Variants in EPHB1 observed in about 807,000 individuals in gnomAD.
The protein encoded by EPHB1 is ephrin type-B receptor 1.
EPHB1 carries 30 observed loss-of-function variants against 94.4 expected under a neutral mutation model. The observed-to-expected ratio is 0.32, with a 90% CI of 0.24 to 0.43. The LOEUF is 0.43. Ranked by LOEUF, EPHB1 falls within the 20% of genes least tolerant of loss-of-function variation. The probability of loss-of-function intolerance (pLI) is 1.00; values close to 1 mark genes in which losing one functional copy is unlikely to be tolerated. For missense variants in EPHB1, 1,055 were observed against 1,308.3 expected (o/e 0.81, Z 2.99); for synonymous variants, 522 against 489.1 (o/e 1.07, Z -0.89).
At chr3:135,075,523 A>G (rs1409208157) in intron 3 of EPHB1, among the ~76,000 whole-genome samples, 1 of 152,144 alleles carries the variant, frequency 6.6e-6, no homozygotes. Context: ...GTATCTTAAG[A>G]TGATGAAATG....
intron 3 of EPHB1, among the ~76,000 whole-genome samples, chr3:135,095,851 G>A (rs1352184744): frequency 6.6e-6 from 1 of 152,112 alleles, no homozygotes; most frequent in Non-Finnish European, 1.5e-5. Flanking sequence ...CCTGTTATAG[G>A]GGGCTTATAT....
intron 3 of EPHB1, among the ~76,000 whole-genome samples, chr3:135,083,483 T>C (rs1938231744): frequency 6.6e-6 from 1 of 151,938 alleles, no homozygotes; most frequent in Non-Finnish European, 1.5e-5. Flanking sequence ...TGCCTTAGGC[T>C]GTCCACAGGA....
intron 1 of EPHB1, among the ~76,000 whole-genome samples, chr3:134,830,330 T>C (rs942660069): frequency 6.6e-6 from 1 of 152,244 alleles, no homozygotes; most frequent in Non-Finnish European, 1.5e-5. Context: ...TACAATATTA[T>C]TATAGTGCTA....
chr3:134,877,235 GA>G (rs769653445), intron 1 of EPHB1, among the ~76,000 whole-genome samples: 7 of 152,218 alleles, frequency 4.6e-5, no homozygotes, highest in Non-Finnish European at 7.3e-5. Context: ...TGTGGGCCAA[GA>G]AAGTCATGTC....
chr3:134,854,545 A>T (rs2037069472), intron 1 of EPHB1, among the ~76,000 whole-genome samples: 1 of 152,118 alleles, frequency 6.6e-6, no homozygotes, highest in African/African-American at 2.4e-5. Context: ...CACTGACAGC[A>T]TTCATTGCAT....
chr3:135,251,482 G>C (rs957386973), intron 15 of EPHB1, among the ~76,000 whole-genome samples: 3 of 152,164 alleles, frequency 2.0e-5, no homozygotes, highest in African/African-American at 7.2e-5. Flanking sequence ...ATAAGGGGAA[G>C]ACCAAAAGGA....
chr3:134,811,965 C>T (rs2036188053), intron 1 of EPHB1, among the ~76,000 whole-genome samples: 1 of 152,192 alleles, frequency 6.6e-6, no homozygotes, highest in Non-Finnish European at 1.5e-5. Flanking sequence ...ACAGGAGTAA[C>T]TCAGAAGCCT....
chr3:135,120,882 G>T (rs1186773568), intron 4 of EPHB1, among the ~76,000 whole-genome samples: 1 of 152,146 alleles, frequency 6.6e-6, no homozygotes, highest in East Asian at 1.9e-4. Context: ...CTAGGAAGGG[G>T]GCTCTTAATC....
Position 134,795,794 on chromosome 3 carries a change from A to G in EPHB1, c.58+105A>G, listed in dbSNP as rs1430079795. ...CCTCTGGCTGCTTTGCGGTGCAGGC[A>G]TCCCGGGACCCGAGGGCAAGGAGGT... On this transcript the variant is annotated intron_variant, in intron 1 of 15. Coordinates refer to ENST00000398015, the MANE Select transcript of EPHB1 (RefSeq NM_004441.5). The G allele has an allele frequency of 4.7e-6, 6 of 1,272,168 alleles. No individual in the cohort carries two copies. In the East Asian group the frequency reaches 1.5e-4, roughly 33 times the overall value. 78.8% of individuals were successfully genotyped at this position (1,272,168 alleles called of 1,614,324 possible). A position where few individuals can be genotyped will look rare whatever the true frequency, so the allele number is the denominator to read the frequency against.
intron 1 of EPHB1, among the ~76,000 whole-genome samples, chr3:134,892,238 G>A (rs1398186697): frequency 6.6e-6 from 1 of 152,190 alleles, no homozygotes; most frequent in Non-Finnish European, 1.5e-5. Context: ...CTTGCCAGGG[G>A]TGTGGGCATG....
intron 3 of EPHB1, among the ~76,000 whole-genome samples, chr3:134,960,606 T>C (rs1933476728): frequency 6.6e-6 from 1 of 152,182 alleles, no homozygotes; most frequent in African/African-American, 2.4e-5. Flanking sequence ...AGGATGAGTC[T>C]GTGAAGCTGC....
chr3:135,090,414 C>A (rs1938513575), intron 3 of EPHB1, among the ~76,000 whole-genome samples: 1 of 152,226 alleles, frequency 6.6e-6, no homozygotes, highest in South Asian at 2.1e-4. Flanking sequence ...TATATTCTGC[C>A]TTGTCATAGT....
Position 135,154,255 on chromosome 3 carries a change from T to C in EPHB1, c.1401T>C (p.Tyr467=). ...AGCCCAATGGCATCATCCTGGACTA[T>C]GAGATCCGGTACTATGAGAAGGTGA... The part of the protein sequence containing the change: ...PEQPNGIILD[Y]EIRYYEKEHN... The change falls in exon 6 of 16, where the codon TAT becomes TAC. Residue 467 remains tyrosine, a synonymous_variant. Coordinates refer to ENST00000398015, the MANE Select transcript of EPHB1 (RefSeq NM_004441.5). 1 of 1,613,900 alleles carries C rather than the reference T, an allele frequency of 6.2e-7. No homozygotes were observed. The highest frequency in any genetic ancestry group is 1.1e-5 in the South Asian group (1 of 91,076).
intron 11 of EPHB1, among the ~76,000 whole-genome samples, 181 bp from the exon 12 acceptor site, chr3:135,201,293 A>G (rs985895819): frequency 6.6e-6 from 1 of 151,610 alleles, no homozygotes; most frequent in Non-Finnish European, 1.5e-5. Flanking sequence ...CTTGGCAAGG[A>G]GAAGAGAACA....
intron 3 of EPHB1, among the ~76,000 whole-genome samples, chr3:135,048,943 G>C (rs1474234003): frequency 6.6e-6 from 1 of 152,196 alleles, no homozygotes; most frequent in Non-Finnish European, 1.5e-5. Flanking sequence ...GATCTGTAGA[G>C]CTGGGAGTTC....
chr3:134,889,104 A>T (rs566108777), intron 1 of EPHB1, among the ~76,000 whole-genome samples: 1 of 152,204 alleles, frequency 6.6e-6, no homozygotes, highest in Non-Finnish European at 1.5e-5. Context: ...TTTGAGGGTG[A>T]GCAGATATGA....
intron 11 of EPHB1, 97 bp downstream of exon 11, chr3:135,192,920 G>T (rs547145772): frequency 1.4e-6 from 2 of 1,465,598 alleles, no homozygotes; most frequent in Non-Finnish European, 1.9e-6. Flanking sequence ...ATCAGGAATC[G>T]CCTGATCCAG....
intron 11 of EPHB1, among the ~76,000 whole-genome samples, chr3:135,197,256 C>A (rs754562786): frequency 1.6e-4 from 25 of 152,194 alleles, no homozygotes; most frequent in Non-Finnish European, 3.4e-4. Flanking sequence ...GGTTCTTTCA[C>A]AGATAATCAT....
intron 12 of EPHB1, among the ~76,000 whole-genome samples, chr3:135,231,533 A>G (rs926580558): frequency 1.3e-5 from 2 of 152,204 alleles, no homozygotes; most frequent in African/African-American, 4.8e-5. Context: ...AGCATTGCAC[A>G]GAAGGGTTTC....
Sources: allele counts gnomAD v4.1 joint callset (sites outside exome capture counted in the v4.1 genomes callset), GRCh38; gene constraint gnomAD v4.1.1; transcripts MANE v1.5; gene names NCBI Gene and HGNC (gene_info 2026-07-23, HGNC 2026-07-21).